The following KCNH1 variants were observed in gnomAD, a reference collection of about 807,000 sequenced individuals.
KCNH1 encodes potassium voltage-gated channel subfamily H member 1, also known as voltage-gated delayed rectifier potassium channel KCNH1.
In KCNH1, 27 loss-of-function variants were observed where a neutral mutation model predicts 69.2. The observed-to-expected ratio is 0.39, with a 90% confidence interval of 0.29 to 0.54. The LOEUF (loss-of-function observed/expected upper bound fraction) is 0.54, where lower values mean the gene tolerates loss of function less well. Among genes scored for constraint, KCNH1 ranks in the 20% least tolerant of loss-of-function variants. The pLI is 0.68. For synonymous variants in KCNH1, 456 were observed against 487.7 expected (o/e 0.93, Z 0.86); for missense variants, 798 against 1,261.6 (o/e 0.63, Z 5.57).
chr1:210,942,614 T>A (rs1340251404), intron 6 of KCNH1, among the ~76,000 whole-genome samples: 1 of 152,144 alleles, frequency 6.6e-6, no homozygotes, highest in East Asian at 1.9e-4. Flanking sequence ...AGGAGAATAA[T>A]GCCCCTTCTC....
intron 7 of KCNH1, among the ~76,000 whole-genome samples, chr1:210,851,439 C>T (rs547768791): frequency 5.9e-5 from 9 of 152,330 alleles, no homozygotes; most frequent in Middle Eastern, 6.8e-3. Context: ...GAGTCAGGAA[C>T]TAGATTAGTG....
chr1:210,862,158 A>G, intron 7 of KCNH1: 1 of 1,349,790 alleles, frequency 7.4e-7, no homozygotes, highest in Non-Finnish European at 1.1e-6. Context: ...CCGACATAGT[A>G]ATCTGGAGCA....
At chr1:211,086,394 C>A (rs1240612796) in intron 4 of KCNH1, among the ~76,000 whole-genome samples, 6 of 152,116 alleles carry the variant, frequency 3.9e-5, no homozygotes, top group Non-Finnish European at 8.8e-5. Context: ...AATGAAGAAA[C>A]CCCTAGCCCA....
intron 7 of KCNH1, among the ~76,000 whole-genome samples, chr1:210,893,397 T>C (rs1237815172): frequency 6.6e-6 from 1 of 152,114 alleles, no homozygotes; most frequent in East Asian, 1.9e-4. Flanking sequence ...TGTTCCTTGT[T>C]ACATAGCATA....
intron 7 of KCNH1, among the ~76,000 whole-genome samples, chr1:210,885,223 T>C (rs531493385): frequency 1.3e-5 from 2 of 152,312 alleles, no homozygotes; most frequent in African/African-American, 4.8e-5. Context: ...CTCATCTCAC[T>C]GTGACTGGTT....
chr1:210,754,152 C>A (rs979256877), intron 10 of KCNH1, among the ~76,000 whole-genome samples: 2 of 151,984 alleles, frequency 1.3e-5, no homozygotes, highest in Non-Finnish European at 2.9e-5. Context: ...ATCTGCTGAC[C>A]TTGTGATCCA....
intron 10 of KCNH1, among the ~76,000 whole-genome samples, chr1:210,724,151 A>G (rs759366848): frequency 5.9e-5 from 9 of 152,226 alleles, no homozygotes; most frequent in Non-Finnish European, 1.3e-4. Flanking sequence ...TCAGGCAAGA[A>G]AAAATAAGAC....
chr1:210,868,314 T>A (rs1288941848), intron 7 of KCNH1, among the ~76,000 whole-genome samples: 1 of 151,860 alleles, frequency 6.6e-6, no homozygotes, highest in Non-Finnish European at 1.5e-5. Flanking sequence ...GTTGTATAAG[T>A]TTTTTTTAAT....
At chr1:210,867,929 G>T (rs1313315455) in intron 7 of KCNH1, among the ~76,000 whole-genome samples, 1 of 151,938 alleles carries the variant, frequency 6.6e-6, no homozygotes, top group East Asian at 1.9e-4. Flanking sequence ...TCTGCTTAAG[G>T]ACATTTGATA....
chr1:210,742,691 C>T (rs1485454867), intron 10 of KCNH1, among the ~76,000 whole-genome samples: 1 of 152,118 alleles, frequency 6.6e-6, no homozygotes, highest in African/African-American at 2.4e-5. Context: ...TATCTCTAGA[C>T]AAGGGCTCAG....
intron 6 of KCNH1, among the ~76,000 whole-genome samples, chr1:210,977,376 T>A (rs961233892): frequency 6.6e-6 from 1 of 152,054 alleles, no homozygotes; most frequent in African/African-American, 2.4e-5. Flanking sequence ...CACACCAACA[T>A]GGCACATGTA....
intron 5 of KCNH1, among the ~76,000 whole-genome samples, chr1:211,039,142 G>A (rs1689948763): frequency 6.6e-6 from 1 of 152,192 alleles, no homozygotes; most frequent in African/African-American, 2.4e-5. Context: ...TGCTCCAGCT[G>A]TGGCTGAAAG....
At chr1:211,104,767 G>C (rs936026386) in intron 2 of KCNH1, among the ~76,000 whole-genome samples, 1 of 152,214 alleles carries the variant, frequency 6.6e-6, no homozygotes, top group East Asian at 1.9e-4. Context: ...CACTCCTCAA[G>C]TCTTAGGTAT....
intron 5 of KCNH1, among the ~76,000 whole-genome samples, chr1:211,032,899 A>G (rs998903390): frequency 3.3e-5 from 5 of 152,242 alleles, no homozygotes; most frequent in Admixed American, 6.5e-5. Context: ...ACAAAAGCCA[A>G]AATTGACAAA....
At chr1:211,130,475 G>A (rs1386095684) in intron 1 of KCNH1, among the ~76,000 whole-genome samples, 1 of 152,174 alleles carries the variant, frequency 6.6e-6, no homozygotes, top group Non-Finnish European at 1.5e-5. Context: ...TCACTAGAAT[G>A]TAATTTACTA....
At chr1:210,984,608 A>T (rs975335953) in intron 6 of KCNH1, among the ~76,000 whole-genome samples, 19 of 152,224 alleles carry the variant, frequency 1.2e-4, no homozygotes, top group Non-Finnish European at 2.6e-4. Flanking sequence ...CCAGCCTTGC[A>T]TCCCAGGGAT....
At chr1:210,881,792 T>G (rs1201389624) in intron 7 of KCNH1, among the ~76,000 whole-genome samples, 5 of 152,212 alleles carry the variant, frequency 3.3e-5, no homozygotes, top group African/African-American at 1.2e-4. Flanking sequence ...AAAGGTTACT[T>G]ACTGTATGAT....
chr1:210,802,964 T>C (rs1684460357), intron 8 of KCNH1, among the ~76,000 whole-genome samples: 1 of 152,056 alleles, frequency 6.6e-6, no homozygotes. Context: ...GCTCCCTCAC[T>C]TCCCCTAAAT....
intron 7 of KCNH1, among the ~76,000 whole-genome samples, chr1:210,908,152 C>T (rs1352713416): frequency 6.6e-6 from 1 of 152,200 alleles, no homozygotes; most frequent in Non-Finnish European, 1.5e-5. Flanking sequence ...AGTGTCATCA[C>T]TGGAGTGCTG....
Sources: allele counts gnomAD v4.1 joint callset (sites outside exome capture counted in the v4.1 genomes callset), GRCh38; gene constraint gnomAD v4.1.1; transcripts MANE v1.5; gene names NCBI Gene and HGNC (gene_info 2026-07-23, HGNC 2026-07-21).